Variants in MBOAT2 observed in about 807,000 individuals in gnomAD.
MBOAT2 encodes the protein membrane bound glycerophospholipid O-acyltransferase 2.
A neutral mutation model predicts 63.4 loss-of-function variants in MBOAT2; 28 were observed. The ratio of observed to expected loss-of-function variants is 0.44; its 90% CI spans 0.33 to 0.61. MBOAT2 has a LOEUF of 0.61. Among genes scored for constraint, MBOAT2 ranks in the 20% least tolerant of loss-of-function variants. MBOAT2 has a pLI of 0.03. For synonymous variants in MBOAT2, 211 were observed against 215.6 expected, an observed-to-expected ratio of 0.98 and a Z score of 0.19; for missense variants, 470 against 605.8, an observed-to-expected ratio of 0.78 and a Z score of 2.35.
intron 4 of MBOAT2, among the ~76,000 whole-genome samples, chr2:8,890,908 C>G (rs906091009): frequency 6.6e-6 from 1 of 152,184 alleles, no homozygotes; most frequent in Non-Finnish European, 1.5e-5. Flanking sequence ...TATACTCTCT[C>G]CCATCTGTTC....
At chr2:8,997,754 C>T (rs960917760) in intron 1 of MBOAT2, among the ~76,000 whole-genome samples, 2 of 152,164 alleles carry the variant, frequency 1.3e-5, no homozygotes, top group East Asian at 1.9e-4. Flanking sequence ...AAGGAAACCA[C>T]GGCTTAAAGA....
chr2:8,864,345 T>G, intron 9 of MBOAT2, 111 bp from the exon 10 acceptor site: 79 of 468,632 alleles, frequency 1.7e-4, no homozygotes, highest in Non-Finnish European at 2.3e-4. Flanking sequence ...ACATCGATGG[T>G]AGTATAGTGA....
At chr2:8,981,748 G>C (rs1671208456) in intron 1 of MBOAT2, among the ~76,000 whole-genome samples, 1 of 152,172 alleles carries the variant, frequency 6.6e-6, no homozygotes, top group South Asian at 2.1e-4. Context: ...GTTGGACTAT[G>C]TGTATCCAGC....
Position 8,858,764 on chromosome 2 carries a change from A to G in MBOAT2, c.1478T>C (p.Leu493Ser). ...SKKFDEGENSLGQNSFSTTNN... is the reference protein window; with the variant it reads ...SKKFDEGENSSGQNSFSTTNN... ...TGTTGTAGAAAAACTGTTCTGTCCCAAAGAATTTTCTCCTTCATCAAACTT... is the reference window on the plus strand; with the variant it reads ...TGTTGTAGAAAAACTGTTCTGTCCCGAAGAATTTTCTCCTTCATCAAACTT... The change falls in exon 13 of 13, where the codon TTG becomes TCG. Residue 493 changes from leucine to serine, a missense_variant. Physicochemically the swap from Leu to Ser is moderately radical, Grantham distance 145 (BLOSUM62 -2). This residue lies in a region of MBOAT2 where 90 missense variants were observed against 84.9 expected (regional missense o/e 1.06). Coordinates refer to ENST00000305997, the MANE Select transcript of MBOAT2 (RefSeq NM_138799.4). The G allele has an allele frequency of 6.2e-7, 1 of 1,614,128 alleles. No homozygotes were observed. The highest frequency in any genetic ancestry group is 1.6e-4 in the Middle Eastern group (1 of 6,062).
chr2:8,988,103 C>G (rs1671685454), intron 1 of MBOAT2, among the ~76,000 whole-genome samples: 1 of 152,166 alleles, frequency 6.6e-6, no homozygotes, highest in South Asian at 2.1e-4. Flanking sequence ...TTATGAAGTA[C>G]CTCATTTCAC....
At chr2:8,986,207 C>CA (rs749608343) in intron 1 of MBOAT2, among the ~76,000 whole-genome samples, 4,682 of 74,258 alleles carry the variant, frequency 0.063, 111 homozygotes, top group Non-Finnish European at 0.082. Context: ...ACAAGGTCAC[C>CA]AAAAAAAAAA....
rs544694822 is a variant in MBOAT2 at position 8,871,678 on chromosome 2, C to T, written c.883+1430G>A. On this transcript the variant is annotated intron_variant, in intron 8 of 12. Transcript: ENST00000305997. The stretch of plus-strand genomic sequence containing the variant: ...CATATTTTAATTGGCCATTAACTCA[C>T]TAGGTTACAGCAACTTTTAATGATG... Among the ~76,000 whole-genome samples the T allele has an allele frequency of 8.1e-4, 123 of 152,278 alleles. 1 individual carries two copies. Among genetic ancestry groups the T allele is most frequent in the African/African-American group, 2.8e-3 (117 of 41,564 alleles).
chr2:8,915,771 T>C (rs534794714), intron 3 of MBOAT2, among the ~76,000 whole-genome samples: 13 of 152,196 alleles, frequency 8.5e-5, no homozygotes, highest in African/African-American at 1.4e-4. Flanking sequence ...AGAATATACA[T>C]GCAAATAAAA....
At chr2:8,902,436 T>C (rs1034035644) in intron 4 of MBOAT2, among the ~76,000 whole-genome samples, 2 of 152,144 alleles carry the variant, frequency 1.3e-5, no homozygotes, top group Non-Finnish European at 2.9e-5. Context: ...TTCTTAAAGA[T>C]GGTGTGTCCG....
intron 1 of MBOAT2, among the ~76,000 whole-genome samples, chr2:8,978,883 G>T (rs1023666465): frequency 6.6e-6 from 1 of 151,812 alleles, no homozygotes; most frequent in Non-Finnish European, 1.5e-5. Flanking sequence ...GGGAGGCAGG[G>T]GTCTATTTTG....
At chr2:8,887,928 C>T in intron 5 of MBOAT2, 90 bp downstream of exon 5, 1 of 1,192,826 alleles carries the variant, frequency 8.4e-7, no homozygotes, top group Middle Eastern at 2.5e-4. Context: ...TTTCCTTACT[C>T]TAATAGCAGA....
chr2:8,940,161 A>G (rs1156334897), intron 3 of MBOAT2, among the ~76,000 whole-genome samples: 2 of 152,014 alleles, frequency 1.3e-5, no homozygotes, highest in East Asian at 1.9e-4. Flanking sequence ...CTTCCCTTCT[A>G]CGTCTTAACG....
intron 1 of MBOAT2, among the ~76,000 whole-genome samples, chr2:8,966,065 C>T (rs940599763): frequency 3.3e-5 from 5 of 152,098 alleles, no homozygotes; most frequent in African/African-American, 1.2e-4. Flanking sequence ...CTTAACCAGT[C>T]CCTCCCAAGG....
rs913065352 is a variant in MBOAT2 at position 8,995,739 on chromosome 2, C to T, written c.75+7801G>A. Among the ~76,000 whole-genome samples the T allele has an allele frequency of 5.3e-5, 8 of 152,136 alleles. No individual in the cohort carries two copies. The South Asian group carries it at 1.0e-3, about 20-fold the overall frequency. On this transcript the variant is annotated intron_variant, in intron 1 of 12. Coordinates refer to ENST00000305997, the MANE Select transcript of MBOAT2 (RefSeq NM_138799.4). ...CCAAGTAGCTGGGACCACGGGCACC[C>T]GCCACCATGCCCGGCCTAATTTTTT...
chr2:8,932,192 T>C (rs1667369203), intron 3 of MBOAT2, among the ~76,000 whole-genome samples: 1 of 152,162 alleles, frequency 6.6e-6, no homozygotes, highest in African/African-American at 2.4e-5. Flanking sequence ...GATTCTAAAG[T>C]TATATTTTTA....
At chr2:9,000,685 C>G (rs1453258020) in intron 1 of MBOAT2, among the ~76,000 whole-genome samples, 1 of 152,148 alleles carries the variant, frequency 6.6e-6, no homozygotes, top group African/African-American at 2.4e-5. Context: ...ACACCTAGAC[C>G]AGATGGTACA....
intron 4 of MBOAT2, among the ~76,000 whole-genome samples, chr2:8,899,959 T>C (rs1402059218): frequency 2.6e-5 from 4 of 152,290 alleles, no homozygotes; most frequent in South Asian, 2.1e-4. Context: ...CTGCGGCTGA[T>C]TGGGTAATAA....
In MBOAT2 at chr2:9,003,489, G is replaced by T; in HGVS notation, c.75+51C>A. On this transcript the variant is annotated intron_variant, in intron 1 of 12. Transcript: ENST00000305997. The surrounding 1 kb of genome is among the most constrained non-coding windows in gnomAD (Gnocchi z 5.4). ...GCCCCCGGTCGGGTGGCACCGCGGC[G>T]GGGAGGGGCGGCGAGGGCGCGACGC... 1 of 1,137,364 alleles carries T rather than the reference G, an allele frequency of 8.8e-7. No individual in the cohort carries two copies. Among genetic ancestry groups the T allele is most frequent in the South Asian group, 4.2e-5 (1 of 24,022 alleles). The allele number at this position is 1,137,364 out of a possible 1,614,324, so 70.5% of individuals were successfully genotyped here. A position where few individuals can be genotyped will look rare whatever the true frequency, so the allele number is the denominator to read the frequency against.
At chr2:8,990,241 A>G (rs1195322519) in intron 1 of MBOAT2, among the ~76,000 whole-genome samples, 1 of 152,194 alleles carries the variant, frequency 6.6e-6, no homozygotes, top group African/African-American at 2.4e-5. Context: ...GATTCTGAGA[A>G]AATTTATACT....
Sources: gnomAD v4.1 joint callset for allele counts (sites outside exome capture counted in the v4.1 genomes callset) on GRCh38, gnomAD v4.1.1 for gene constraint, gnomAD v4.1.1 regional missense constraint, Gnocchi (gnomAD v3.1) non-coding constraint, MANE v1.5 for transcripts, NCBI Gene and HGNC (gene_info 2026-07-23, HGNC 2026-07-21) for gene names.